Variants in LRRC17 observed in about 807,000 individuals in gnomAD.
The protein encoded by LRRC17 is leucine rich repeat containing 17.
In LRRC17, 33 loss-of-function variants were observed where a neutral mutation model predicts 41.5. The observed-to-expected ratio is 0.80, with a 90% CI of 0.60 to 1.06. The LOEUF (loss-of-function observed/expected upper bound fraction) is 1.06. Among genes scored for constraint, LRRC17 ranks in the 50% least tolerant of loss-of-function variants. The pLI is 0.00. For missense variants in LRRC17, 491 were observed against 519.3 expected (o/e 0.95, Z 0.53); for synonymous variants, 192 against 197.0 (o/e 0.97, Z 0.21).
intron 1 of LRRC17, among the ~76,000 whole-genome samples, chr7:102,918,286 A>G (rs965658209): frequency 5.9e-5 from 9 of 152,220 alleles, no homozygotes; most frequent in African/African-American, 1.9e-4. Flanking sequence ...TCTATTCTGA[A>G]TATTCTCTCA....
At chr7:102,932,722 A>G (rs1169035801) in intron 1 of LRRC17, among the ~76,000 whole-genome samples, 2 of 151,926 alleles carry the variant, frequency 1.3e-5, no homozygotes, top group East Asian at 1.9e-4. Flanking sequence ...AGCAACCCCT[A>G]CTGTCATTCC....
chr7:102,921,230 G>C (rs1479412790), intron 1 of LRRC17, among the ~76,000 whole-genome samples: 1 of 152,180 alleles, frequency 6.6e-6, no homozygotes, highest in South Asian at 2.1e-4. Flanking sequence ...GCTATAATCT[G>C]TAATGAAACA....
chr7:102,939,031 T>C (rs1189153226), intron 2 of LRRC17, among the ~76,000 whole-genome samples: 1 of 152,242 alleles, frequency 6.6e-6, no homozygotes, highest in Admixed American at 6.5e-5. Flanking sequence ...TTAACCCACT[T>C]TAGCTTGCCC....
In LRRC17 at chr7:102,934,169, A is replaced by G; in HGVS notation, c.256A>G (p.Met86Val). The G allele has an allele frequency of 6.2e-7, 1 of 1,614,254 alleles. No individual in the cohort carries two copies. Among genetic ancestry groups the G allele is most frequent in the Non-Finnish European group, 8.5e-7 (1 of 1,180,036 alleles). The stretch of plus-strand genomic sequence containing the variant: ...TGGTTGGCCTCAGGATTTGCTGCAC[A>G]TGCTGCTAGCAAGAAACAAGATCCG... ...LPGWPQDLLH[M>V]LLARNKIRTL... Residue 86 changes from methionine to valine, a missense_variant, in exon 2 of 4, where the codon ATG (methionine) becomes GTG (valine). Coordinates refer to ENST00000339431, the MANE Select transcript of LRRC17 (RefSeq NM_001031692.3).
chr7:102,919,580 G>A (rs1443444213), intron 1 of LRRC17, among the ~76,000 whole-genome samples: 7 of 152,112 alleles, frequency 4.6e-5, no homozygotes, highest in Admixed American at 4.6e-4. Context: ...GCATCTCTTA[G>A]CAGGAAAAAA....
intron 1 of LRRC17, among the ~76,000 whole-genome samples, chr7:102,931,026 A>G (rs1456846903): frequency 6.6e-6 from 1 of 152,228 alleles, no homozygotes; most frequent in African/African-American, 2.4e-5. Context: ...AAGGATACTT[A>G]TCATAGGAAC....
rs1815080911 is a variant in LRRC17, at chr7:102,913,075, G to A, written c.-211G>A. 1.2e-6 allele frequency: 2 copies of A among 1,614,038 alleles called. No individual in the cohort carries two copies. The highest frequency in any genetic ancestry group is 1.7e-6 in the Non-Finnish European group (2 of 1,179,972). On this transcript the variant is annotated 5_prime_UTR_variant, in exon 1 of 4. Transcript: ENST00000339431. ...CACACACCGCAGCAAAGAGAAGACTGAAAGACAAACCTGGGTGCAGCCAGA... is the reference window on the plus strand; with the variant it reads ...CACACACCGCAGCAAAGAGAAGACTAAAAGACAAACCTGGGTGCAGCCAGA...
At chr7:102,927,554 C>G (rs1195300868) in intron 1 of LRRC17, among the ~76,000 whole-genome samples, 1 of 152,140 alleles carries the variant, frequency 6.6e-6, no homozygotes, top group Non-Finnish European at 1.5e-5. Flanking sequence ...ATCTGTCACA[C>G]TCAGATAGGA....
At position 102,934,691 on chromosome 7, in the gene LRRC17, T is replaced by C; in HGVS notation, c.772+6T>C. 6.4e-7 allele frequency: 1 copy of C among 1,563,100 alleles called. No individual in the cohort carries two copies. Among genetic ancestry groups the C allele is most frequent in the East Asian group, 2.2e-5 (1 of 44,534 alleles). ...ACTGGACTGCAAAAGGAAAGGTTTGTACTTTTCTTACTTTTTCATTTTCAT... is the reference window on the plus strand; with the variant it reads ...ACTGGACTGCAAAAGGAAAGGTTTGCACTTTTCTTACTTTTTCATTTTCAT... On this transcript the variant is annotated splice_donor_region_variant and intron_variant, in intron 2 of 3. Coordinates refer to ENST00000339431, the MANE Select transcript of LRRC17 (RefSeq NM_001031692.3).
intron 1 of LRRC17, among the ~76,000 whole-genome samples, chr7:102,914,315 CA>C (rs1815390180): frequency 1.3e-5 from 2 of 152,190 alleles, no homozygotes; most frequent in African/African-American, 4.8e-5. Context: ...TCAGGTGATC[CA>C]CCCGCCTTGG....
chr7:102,943,855 T>C (rs1438305636), intron 3 of LRRC17, among the ~76,000 whole-genome samples: 2 of 152,186 alleles, frequency 1.3e-5, no homozygotes, highest in Non-Finnish European at 2.9e-5. Flanking sequence ...TAAATTTCTG[T>C]CTTCATGACA....
At chr7:102,924,641 C>CT (rs71106699) in intron 1 of LRRC17, among the ~76,000 whole-genome samples, 59,704 of 121,046 alleles carry the variant, frequency 0.49, 16,938 homozygotes, top group Non-Finnish European at 0.61. Context: ...GTAAGCTTTT[C>CT]TTTTTTTTTT....
At chr7:102,915,021 GA>G (rs1479142226) in intron 1 of LRRC17, among the ~76,000 whole-genome samples, 1 of 152,000 alleles carries the variant, frequency 6.6e-6, no homozygotes. Flanking sequence ...CAAGGTTTTT[GA>G]ATCCGGCCAA....
intron 1 of LRRC17, among the ~76,000 whole-genome samples, chr7:102,928,981 C>G (rs1818638440): frequency 6.6e-6 from 1 of 152,096 alleles, no homozygotes; most frequent in Non-Finnish European, 1.5e-5. Flanking sequence ...TACTTTTGAA[C>G]ATAAAGGAAC....
chr7:102,944,708 G>GAAGC lies in LRRC17; in HGVS notation c.*101_*102insAAGC. 9.5e-7 allele frequency: 1 copy of GAAGC among 1,047,996 alleles called. No homozygotes were observed. The highest frequency in any genetic ancestry group is 2.8e-5 in the Admixed American group (1 of 36,272). 64.9% of individuals were successfully genotyped at this position (1,047,996 alleles called of 1,614,324 possible). A position where few individuals can be genotyped will look rare whatever the true frequency, so the allele number is the denominator to read the frequency against. On this transcript the variant is annotated 3_prime_UTR_variant, in exon 4 of 4. Transcript: ENST00000339431. ...TAACTGTGTTGCCTATTTATGCAGG[G>GAAGC]TAATCCAGCTAAAGGAAGCTTTCTT...
chr7:102,916,915 G>GT (rs772427604), intron 1 of LRRC17, among the ~76,000 whole-genome samples: 8 of 150,836 alleles, frequency 5.3e-5, no homozygotes, highest in East Asian at 1.9e-4. Context: ...TTTCTTTTGG[G>GT]TTTTTTTCCA....
intron 2 of LRRC17, among the ~76,000 whole-genome samples, chr7:102,938,211 T>C (rs964926067): frequency 6.6e-6 from 1 of 152,218 alleles, no homozygotes; most frequent in Admixed American, 6.5e-5. Context: ...AGCTTCACAT[T>C]GACCAGAATA....
chr7:102,931,363 G>A (rs986411416), intron 1 of LRRC17, among the ~76,000 whole-genome samples: 1 of 146,896 alleles, frequency 6.8e-6, no homozygotes, highest in Admixed American at 6.7e-5. Context: ...CTGTGTAGAT[G>A]ACGGCAGTGT....
intron 1 of LRRC17, among the ~76,000 whole-genome samples, chr7:102,928,782 A>G (rs188942567): frequency 6.6e-6 from 1 of 152,262 alleles, no homozygotes; most frequent in South Asian, 2.1e-4. Context: ...AAACAACTTC[A>G]TTATAATGAC....
Sources: allele counts gnomAD v4.1 joint callset (sites outside exome capture counted in the v4.1 genomes callset), GRCh38; gene constraint gnomAD v4.1.1; transcripts MANE v1.5; gene names NCBI Gene and HGNC (gene_info 2026-07-23, HGNC 2026-07-21).